Variants in TAFA1 observed in about 807,000 individuals in gnomAD.
TAFA1 encodes TAFA chemokine like family member 1, also known as chemokine-like protein TAFA-1.
TAFA1 carries 4 observed loss-of-function variants against 18.5 expected under a neutral mutation model. The observed-to-expected ratio is 0.22, with a 90% CI of 0.11 to 0.49. The LOEUF (loss-of-function observed/expected upper bound fraction) is 0.49. TAFA1 is among the 20% of genes least tolerant of loss of function. The pLI is 0.98. For synonymous variants in TAFA1, 56 were observed against 55.2 expected (o/e 1.01, Z -0.06); for missense variants, 147 against 169.0 (o/e 0.87, Z 0.72).
intron 2 of TAFA1, among the ~76,000 whole-genome samples, chr3:68,414,243 G>A (rs2070769881): frequency 6.6e-6 from 1 of 152,152 alleles, no homozygotes; most frequent in Non-Finnish European, 1.5e-5. Flanking sequence ...GGAAGCAGAG[G>A]TTGCAGTGAA....
chr3:68,066,089 T>C (rs903511113), intron 2 of TAFA1, among the ~76,000 whole-genome samples: 2 of 152,126 alleles, frequency 1.3e-5, no homozygotes, highest in East Asian at 1.9e-4. Context: ...GGATAGAGAT[T>C]ATAAAGCAGC....
intron 2 of TAFA1, among the ~76,000 whole-genome samples, chr3:68,401,480 A>G (rs2070488886): frequency 1.3e-5 from 2 of 152,174 alleles, no homozygotes. Context: ...AGTGGCATCA[A>G]ATAATACTAA....
intron 2 of TAFA1, among the ~76,000 whole-genome samples, chr3:68,225,469 G>A (rs954487029): frequency 3.3e-5 from 5 of 152,294 alleles, no homozygotes; most frequent in Admixed American, 3.3e-4. Context: ...GAAATATGGT[G>A]CCACAGAAGG....
At chr3:68,260,733 T>G (rs1388764447) in intron 2 of TAFA1, among the ~76,000 whole-genome samples, 1 of 151,982 alleles carries the variant, frequency 6.6e-6, no homozygotes, top group Non-Finnish European at 1.5e-5. Flanking sequence ...AAAGCTGAAA[T>G]TGGATCCCTT....
At chr3:68,130,043 C>A (rs1412231178) in intron 2 of TAFA1, among the ~76,000 whole-genome samples, 1 of 152,112 alleles carries the variant, frequency 6.6e-6, no homozygotes, top group South Asian at 2.1e-4. Flanking sequence ...TGGAAACTGG[C>A]ACAAAGCCTT....
chr3:68,216,289 A>G (rs950971243), intron 2 of TAFA1, among the ~76,000 whole-genome samples: 2 of 152,082 alleles, frequency 1.3e-5, no homozygotes, highest in Non-Finnish European at 2.9e-5. Flanking sequence ...TGCACATACA[A>G]TGGACCTTAA....
chr3:68,029,732 A>G (rs1459540752), intron 2 of TAFA1, among the ~76,000 whole-genome samples: 1 of 152,218 alleles, frequency 6.6e-6, no homozygotes, highest in African/African-American at 2.4e-5. Flanking sequence ...GACTTTAAGT[A>G]CCATTAAGTT....
At chr3:68,393,355 C>G (rs1038487874) in intron 2 of TAFA1, among the ~76,000 whole-genome samples, 6 of 149,196 alleles carry the variant, frequency 4.0e-5, no homozygotes, top group African/African-American at 1.5e-4. Context: ...CAAATAAAGG[C>G]AGTAATTAAT....
At chr3:68,470,719 G>A (rs909846346) in intron 3 of TAFA1, among the ~76,000 whole-genome samples, 5 of 152,174 alleles carry the variant, frequency 3.3e-5, no homozygotes, top group Admixed American at 6.6e-5. Flanking sequence ...TGATTTAGGT[G>A]CTGTTAAAAG....
intron 2 of TAFA1, among the ~76,000 whole-genome samples, chr3:68,053,188 T>G (rs1022885525): frequency 2.0e-5 from 3 of 151,938 alleles, no homozygotes; most frequent in Non-Finnish European, 2.9e-5. Context: ...TTTTCAAATA[T>G]GAACATTGCA....
chr3:68,184,933 A>G (rs1443777311), intron 2 of TAFA1, among the ~76,000 whole-genome samples: 1 of 152,160 alleles, frequency 6.6e-6, no homozygotes, highest in African/African-American at 2.4e-5. Context: ...TACATCCTTC[A>G]CTTGAACAAT....
intron 2 of TAFA1, among the ~76,000 whole-genome samples, chr3:68,246,551 C>T (rs2067081879): frequency 7.6e-6 from 1 of 131,550 alleles, no homozygotes; most frequent in Non-Finnish European, 1.5e-5. Context: ...GATGGTGCCA[C>T]CGCACTCCAG....
At chr3:68,221,598 G>A (rs1036244453) in intron 2 of TAFA1, among the ~76,000 whole-genome samples, 4 of 152,014 alleles carry the variant, frequency 2.6e-5, no homozygotes, top group Non-Finnish European at 5.9e-5. Flanking sequence ...TCAAACAGAT[G>A]GATACACTAG....
At chr3:68,086,973 C>G (rs1312062883) in intron 2 of TAFA1, among the ~76,000 whole-genome samples, 2 of 152,170 alleles carry the variant, frequency 1.3e-5, no homozygotes, top group Non-Finnish European at 2.9e-5. Context: ...CAACAAGACA[C>G]CCTGCAAATC....
intron 2 of TAFA1, among the ~76,000 whole-genome samples, chr3:68,088,258 C>T (rs2064993801): frequency 6.6e-6 from 1 of 152,194 alleles, no homozygotes; most frequent in Admixed American, 6.5e-5. Context: ...TACTGTCAGA[C>T]TGCCTCCACA....
chr3:68,324,326 G>A (rs115227360), intron 2 of TAFA1, among the ~76,000 whole-genome samples: 2 of 152,166 alleles, frequency 1.3e-5, no homozygotes, highest in African/African-American at 2.4e-5. Context: ...GATGTTAGAT[G>A]CTAATTTTAA....
chr3:68,128,413 G>A (rs373212547), intron 2 of TAFA1, among the ~76,000 whole-genome samples: 10 of 152,152 alleles, frequency 6.6e-5, no homozygotes, highest in African/African-American at 2.4e-4. Context: ...TTATTAGCCA[G>A]GCAACAATTT....
chr3:68,474,867 G>A (rs1456534681), intron 3 of TAFA1, among the ~76,000 whole-genome samples: 1 of 152,108 alleles, frequency 6.6e-6, no homozygotes, highest in East Asian at 1.9e-4. Context: ...TTGACTACCA[G>A]GACAAAGTTC....
chr3:68,352,517 A>C (rs1193200825), intron 2 of TAFA1, among the ~76,000 whole-genome samples: 1 of 152,092 alleles, frequency 6.6e-6, no homozygotes, highest in Non-Finnish European at 1.5e-5. Context: ...CTCTGGTGCC[A>C]TATCTGAGCT....
Sources: gnomAD v4.1 joint callset for allele counts (sites outside exome capture counted in the v4.1 genomes callset) on GRCh38, gnomAD v4.1.1 for gene constraint, MANE v1.5 for transcripts, NCBI Gene and HGNC (gene_info 2026-07-23, HGNC 2026-07-21) for gene names.